The following FAM53C variants were observed in gnomAD, a reference collection of about 807,000 sequenced individuals.
FAM53C encodes protein FAM53C.
FAM53C carries 10 observed loss-of-function variants against 34.7 expected under a neutral mutation model. The observed-to-expected ratio is 0.29, with a 90% CI of 0.18 to 0.49. FAM53C has a LOEUF of 0.49. FAM53C is among the 20% of genes least tolerant of loss of function. The pLI is 0.99. For missense variants in FAM53C, 442 were observed against 515.3 expected, an observed-to-expected ratio of 0.86 and a Z score of 1.38; for synonymous variants, 203 against 203.6, an observed-to-expected ratio of 1.00 and a Z score of 0.03.
upstream of FAM53C, chr5:138,338,211 C>T (rs1234300189): frequency 2.0e-5 from 25 of 1,274,126 alleles, no homozygotes; most frequent in African/African-American, 7.6e-5. Context: ...TCCTCAGGGA[C>T]TCGTTGGTTC....
chr5:138,341,822 A>G lies in FAM53C; in HGVS notation c.92A>G (p.His31Arg). The change falls in exon 3 of 5, where the codon CAT becomes CGT. Residue 31 changes from histidine to arginine, a missense_variant. Physicochemically the swap from His to Arg is conservative, Grantham distance 29. Coordinates refer to ENST00000239906, the MANE Select transcript of FAM53C (RefSeq NM_016605.3). ...RFSISLPLPD[H>R]ADISNCGNSF... ...TCTCTTTCTTAGCCTTTGCCTGATC[A>G]TGCAGACATCTCCAACTGTGGGAAC... 6.2e-7 allele frequency: 1 copy of G among 1,614,210 alleles called. No individual in the cohort carries two copies. Among genetic ancestry groups the G allele is most frequent in the Non-Finnish European group, 8.5e-7 (1 of 1,180,028 alleles).
Position 138,341,279 on chromosome 5 carries a change from C to T in FAM53C, c.-57C>T. 6.9e-7 allele frequency: 1 copy of T among 1,442,438 alleles called. No homozygotes were observed. The highest frequency in any genetic ancestry group is 9.8e-7 in the Non-Finnish European group (1 of 1,023,284). 89.4% of individuals were successfully genotyped at this position (1,442,438 alleles called of 1,614,324 possible). On this transcript the variant is annotated 5_prime_UTR_variant, in exon 2 of 5. Coordinates refer to ENST00000239906, the MANE Select transcript of FAM53C (RefSeq NM_016605.3). The stretch of plus-strand genomic sequence containing the variant: ...TCACAAGTGAGGTCTGGAAGAACAA[C>T]AGGGAAGACATCCATCATTTGCTCC...
chr5:138,347,631 T>A lies in FAM53C; in HGVS notation c.*672T>A, dbSNP rs955155574. 3 of 152,546 alleles carry A rather than the reference T, an allele frequency of 2.0e-5. No homozygotes were observed. The highest frequency in any genetic ancestry group is 3.9e-4 in the East Asian group (2 of 5,184). The allele number at this position is 152,546 out of a possible 1,614,324, so 9.4% of individuals were successfully genotyped here. A position where few individuals can be genotyped will look rare whatever the true frequency, so the allele number is the denominator to read the frequency against. ...CATTTTGGGGTACAGCAGGGTGTTT[T>A]AAGTGCTGTGACTTCAGCTAATGAT... On this transcript the variant is annotated 3_prime_UTR_variant, in exon 5 of 5. Coordinates refer to ENST00000239906, the MANE Select transcript of FAM53C (RefSeq NM_016605.3).
At chr5:138,342,727 CAAA>C in intron 3 of FAM53C, 2 of 120,694 alleles carry the variant, frequency 1.7e-5, no homozygotes, top group Non-Finnish European at 1.7e-5. Flanking sequence ...AACTCTGTCT[CAAA>C]AAAAAAAAAA....
chr5:138,344,732 A>T, intron 3 of FAM53C, 93 bp from the exon 4 acceptor site: 1 of 1,193,738 alleles, frequency 8.4e-7, no homozygotes, highest in Non-Finnish European at 1.1e-6. Flanking sequence ...GGAAATTTTC[A>T]CATAAAATGC....
At position 138,349,092 on chromosome 5, in the gene FAM53C, T is replaced by C. The variant is rs1344522348; in HGVS notation, c.*2133T>C. On this transcript the variant is annotated 3_prime_UTR_variant, in exon 5 of 5. Coordinates refer to ENST00000239906, the MANE Select transcript of FAM53C (RefSeq NM_016605.3). ...TATTTTAATTCCATTACTTTCAGTCTGGAAAACTAAGCTAGTCAGAACTGT... is the reference window on the plus strand; with the variant it reads ...TATTTTAATTCCATTACTTTCAGTCCGGAAAACTAAGCTAGTCAGAACTGT... 6.6e-6 allele frequency: 1 copy of C among 152,292 alleles called. No homozygotes were observed. Among genetic ancestry groups the C allele is most frequent in the East Asian group, 1.9e-4 (1 of 5,202 alleles). 9.4% of individuals were successfully genotyped at this position (152,292 alleles called of 1,614,324 possible).
Position 138,338,589 on chromosome 5 carries a change from A to AC in FAM53C, c.-153+293dup, listed in dbSNP as rs60039274. Among the ~76,000 whole-genome samples, 359 of 126,962 alleles carry AC rather than the reference A, an allele frequency of 2.8e-3. 2 individuals are homozygous for AC. Among genetic ancestry groups the AC allele is most frequent in the Middle Eastern group, 8.3e-3 (2 of 242 alleles). The allele number at this position is 126,962 out of a possible 152,430, so 83.3% of individuals were successfully genotyped here. A position where few individuals can be genotyped will look rare whatever the true frequency, so the allele number is the denominator to read the frequency against. On this transcript the variant is annotated intron_variant, in intron 1 of 4. Coordinates refer to ENST00000239906, the MANE Select transcript of FAM53C (RefSeq NM_016605.3). ...AGCCCCCCTGAGCGAGCCCTGGCGCACCCCCCCCCCCGCCCCGGGGACCAG... is the reference window on the plus strand; with the variant it reads ...AGCCCCCCTGAGCGAGCCCTGGCGCACCCCCCCCCCCCGCCCCGGGGACCAG...
chr5:138,342,253 A>G (rs1036377254), intron 3 of FAM53C: 15 of 184,464 alleles, frequency 8.1e-5, no homozygotes, highest in Non-Finnish European at 1.3e-4. Flanking sequence ...GAATTTCTTT[A>G]TATAAAAAGA....
At position 138,341,174 on chromosome 5, in the gene FAM53C, T is replaced by A; in HGVS notation, c.-152-10T>A. ...TAATATCACTTGGGGCTGGTCCCTC[T>A]AATTGGCAGACTCAGCAGGCATGAC... On this transcript the variant is annotated splice_polypyrimidine_tract_variant and intron_variant, in intron 1 of 4. Coordinates refer to ENST00000239906, the MANE Select transcript of FAM53C (RefSeq NM_016605.3). 1.3e-6 allele frequency: 1 copy of A among 754,188 alleles called. No homozygotes were observed. The highest frequency in any genetic ancestry group is 3.2e-4 in the Middle Eastern group (1 of 3,098). The allele number at this position is 754,188 out of a possible 1,614,324, so 46.7% of individuals were successfully genotyped here.
intron 2 of FAM53C, 42 bp downstream of exon 2, chr5:138,341,455 CT>C (rs1561741897): frequency 2.0e-6 from 3 of 1,522,040 alleles, no homozygotes; most frequent in African/African-American, 1.4e-5. Flanking sequence ...CCCCCTCCCC[CT>C]TTTTTCTGAG....
upstream of FAM53C, chr5:138,338,166 G>T (rs919490541): frequency 1.6e-6 from 2 of 1,289,624 alleles, no homozygotes; most frequent in African/African-American, 3.0e-5. Context: ...GGGTGGCTTG[G>T]GGGGATTCTG....
At chr5:138,343,527 A>G (rs1761090724) in intron 3 of FAM53C, among the ~76,000 whole-genome samples, 1 of 152,028 alleles carries the variant, frequency 6.6e-6, no homozygotes, top group Admixed American at 6.6e-5. Context: ...AAAAAAAAGA[A>G]AGAAAAAAGA....
intron 3 of FAM53C, chr5:138,343,114 A>G (rs1401909857): frequency 6.6e-6 from 1 of 152,090 alleles, no homozygotes; most frequent in African/African-American, 2.4e-5. Flanking sequence ...CCCTTGTTAT[A>G]TATAGCTACA....
Position 138,345,227 on chromosome 5 carries a change from C to G in FAM53C, c.539C>G (p.Ser180Cys). 6.2e-7 allele frequency: 1 copy of G among 1,614,240 alleles called. No individual in the cohort carries two copies. Among genetic ancestry groups the G allele is most frequent in the South Asian group, 1.1e-5 (1 of 91,092 alleles). Residue 180 changes from serine (S) to cysteine (C), a missense_variant, in exon 4 of 5, where the codon TCT (serine) becomes TGT (cysteine). Coordinates refer to ENST00000239906, the MANE Select transcript of FAM53C (RefSeq NM_016605.3). The surrounding 1 kb of genome is among the most constrained non-coding windows in gnomAD (Gnocchi z 6.3). ...TTCCTCCAAGCTCCCAGTGCCTCTT[C>G]TCAATGTGCCCCAGCTCACAGACCC... is the stretch of plus-strand genomic sequence containing the variant. ...LRFLQAPSAS[S>C]QCAPAHRPYS...
rs956010667 is a variant in FAM53C at position 138,348,314 on chromosome 5, C to A, written c.*1355C>A. 2 of 152,582 alleles carry A rather than the reference C, an allele frequency of 1.3e-5. No individual in the cohort carries two copies. The highest frequency in any genetic ancestry group is 4.8e-5 in the African/African-American group (2 of 41,438). The allele number at this position is 152,582 out of a possible 1,614,324, so 9.5% of individuals were successfully genotyped here. On this transcript the variant is annotated 3_prime_UTR_variant, in exon 5 of 5. Transcript: ENST00000239906. ...TTTTGTTTCTCACCCGCAACTTGAG[C>A]CAGGACAGCTGGTCCAAGTGGCCAC...
chr5:138,346,998 C>G lies in FAM53C; in HGVS notation c.*39C>G, dbSNP rs539476289. 16 of 1,611,782 alleles carry G rather than the reference C, an allele frequency of 9.9e-6. No homozygotes were observed. The South Asian group carries it at 1.7e-4, about 17-fold the overall frequency. On this transcript the variant is annotated 3_prime_UTR_variant, in exon 5 of 5. Transcript: ENST00000239906. Reference sequence around the variant, plus strand: ...CTTCCTGGGGCCACACAGACTGACTCTCTCATGGCTACTAACAAGTGTCGA... The same window carrying G: ...CTTCCTGGGGCCACACAGACTGACTGTCTCATGGCTACTAACAAGTGTCGA...
At chr5:138,338,110 CGA>C, upstream of FAM53C, 2 of 1,289,782 alleles carry the variant, frequency 1.6e-6, no homozygotes, top group Non-Finnish European at 2.0e-6. Flanking sequence ...CAGCGCTGTC[CGA>C]GAGACACTTT....
rs1269534829 is a variant in FAM53C at position 138,347,001 on chromosome 5, T to C, written c.*42T>C. 6.2e-7 allele frequency: 1 copy of C among 1,611,384 alleles called. No individual in the cohort carries two copies. Among genetic ancestry groups the C allele is most frequent in the Non-Finnish European group, 8.5e-7 (1 of 1,179,140 alleles). On this transcript the variant is annotated 3_prime_UTR_variant, in exon 5 of 5. Transcript: ENST00000239906. ...CCTGGGGCCACACAGACTGACTCTC[T>C]CATGGCTACTAACAAGTGTCGAGTC...
chr5:138,345,514 T>G lies in FAM53C; in HGVS notation c.826T>G (p.Cys276Gly). 6.2e-7 allele frequency: 1 copy of G among 1,614,064 alleles called. No homozygotes were observed. The highest frequency in any genetic ancestry group is 8.5e-7 in the Non-Finnish European group (1 of 1,180,044). ...RNLPRSRSQP[C>G]DLDARKTGVK... ...CCTTCCCCGAAGCCGCTCACAGCCT[T>G]GTGATCTGGATGCCCGCAAAACTGG... The change falls in exon 4 of 5, where the codon TGT becomes GGT. Residue 276 changes from cysteine (C) to glycine (G), a missense_variant. By Grantham distance (159) the Cys-to-Gly change is radical. Transcript: ENST00000239906. The surrounding 1 kb of genome is among the most constrained non-coding windows in gnomAD (Gnocchi z 6.3).
Sources: gnomAD v4.1 joint callset for allele counts (sites outside exome capture counted in the v4.1 genomes callset) on GRCh38, gnomAD v4.1.1 for gene constraint, Gnocchi (gnomAD v3.1) non-coding constraint, MANE v1.5 for transcripts, NCBI Gene and HGNC (gene_info 2026-07-23, HGNC 2026-07-21) for gene names.